The following SBNO1 variants were observed in gnomAD, a reference collection of about 807,000 sequenced individuals.
The protein encoded by SBNO1 is protein strawberry notch homolog 1.
SBNO1 carries 23 observed loss-of-function variants against 173.6 expected under a neutral mutation model. The observed-to-expected ratio is 0.13, with a 90% confidence interval of 0.10 to 0.19. The LOEUF is 0.19. Ranked by LOEUF, SBNO1 falls within the 10% of genes least tolerant of loss-of-function variation. SBNO1 has a pLI of 1.00. For synonymous variants in SBNO1, 632 were observed against 571.5 expected (o/e 1.11, Z -1.51); for missense variants, 1,238 against 1,671.2 (o/e 0.74, Z 4.52).
intron 13 of SBNO1, 96 bp downstream of exon 13, chr12:123,327,330 C>A: frequency 1.0e-6 from 1 of 1,001,996 alleles, no homozygotes; most frequent in Non-Finnish European, 1.5e-6. Flanking sequence ...AGTAGAAATA[C>A]ATTCCCATGG....
chr12:123,327,635 G>A (rs1870752677), intron 12 of SBNO1, 56 bp from the exon 13 acceptor site: 1 of 1,593,232 alleles, frequency 6.3e-7, no homozygotes. Context: ...TTAACATACA[G>A]AGAATGGGCT....
chr12:123,327,692 C>A lies in SBNO1; in HGVS notation c.1538+15G>T. On this transcript the variant is annotated intron_variant, in intron 12 of 31. Transcript: ENST00000602398. ...GATTGCTACTGAGAAGAGTATATACCGTAAACTGCATTACCTCCGTTCTAC... is the reference window on the plus strand; with the variant it reads ...GATTGCTACTGAGAAGAGTATATACAGTAAACTGCATTACCTCCGTTCTAC... 6.2e-7 allele frequency: 1 copy of A among 1,600,744 alleles called. No individual in the cohort carries two copies. The highest frequency in any genetic ancestry group is 8.6e-7 in the Non-Finnish European group (1 of 1,168,198).
chr12:123,315,702 C>A (rs1375209522), intron 21 of SBNO1, 42 bp from the exon 22 acceptor site: 2 of 1,086,020 alleles, frequency 1.8e-6, no homozygotes, highest in Admixed American at 3.4e-5. Context: ...ATTGTGTTCG[C>A]TGGACAGAGA....
At chr12:123,343,427 A>AAC (rs1290284554) in intron 4 of SBNO1, among the ~76,000 whole-genome samples, 2 of 152,080 alleles carry the variant, frequency 1.3e-5, no homozygotes, top group African/African-American at 4.8e-5. Flanking sequence ...TAGAACATGC[A>AAC]ACACCTTGCT....
intron 6 of SBNO1, among the ~76,000 whole-genome samples, chr12:123,334,433 G>T (rs1174726546): frequency 6.6e-6 from 1 of 152,174 alleles, no homozygotes; most frequent in African/African-American, 2.4e-5. Context: ...TTTGGGCCAG[G>T]TGGGTGGCTC....
chr12:123,299,417 C>T (rs2048708680), intron 30 of SBNO1, among the ~76,000 whole-genome samples: 1 of 151,940 alleles, frequency 6.6e-6, no homozygotes. Context: ...CACGATGGCT[C>T]ACGCCTGTAA....
intron 25 of SBNO1, among the ~76,000 whole-genome samples, chr12:123,310,145 T>C (rs1566026256): frequency 6.6e-6 from 1 of 152,224 alleles, no homozygotes; most frequent in Non-Finnish European, 1.5e-5. Context: ...CAACACTGAA[T>C]TCTCAACTGT....
At chr12:123,330,806 T>C (rs949663171) in intron 8 of SBNO1, among the ~76,000 whole-genome samples, 6 of 151,966 alleles carry the variant, frequency 3.9e-5, no homozygotes, top group Non-Finnish European at 8.8e-5. Context: ...TGCATGCCTG[T>C]AGTCCCAGCT....
chr12:123,351,696 G>A (rs1873903841), intron 1 of SBNO1, among the ~76,000 whole-genome samples: 1 of 152,176 alleles, frequency 6.6e-6, no homozygotes, highest in Non-Finnish European at 1.5e-5. Context: ...AAGACCAGGA[G>A]CAGAATGACA....
chr12:123,350,117 G>A (rs1417763829), intron 2 of SBNO1, among the ~76,000 whole-genome samples, 193 bp downstream of exon 2: 2 of 152,030 alleles, frequency 1.3e-5, no homozygotes, highest in African/African-American at 2.4e-5. Context: ...AGCGGGATGT[G>A]GTGGCACGTG....
intron 1 of SBNO1, among the ~76,000 whole-genome samples, chr12:123,350,891 C>A (rs1452292157): frequency 6.6e-6 from 1 of 152,142 alleles, no homozygotes; most frequent in Admixed American, 6.5e-5. Context: ...GGAAGCAAAG[C>A]CAGGTGGATC....
At chr12:123,320,644 T>C (rs1385167507) in intron 18 of SBNO1, 37 bp from the exon 19 acceptor site, 2 of 1,599,588 alleles carry the variant, frequency 1.3e-6, no homozygotes, top group East Asian at 2.2e-5. Flanking sequence ...TAGTACAAAG[T>C]TTAAATATTT....
chr12:123,344,258 G>A (rs1293975970), intron 4 of SBNO1, among the ~76,000 whole-genome samples: 6 of 152,178 alleles, frequency 3.9e-5, no homozygotes, highest in Admixed American at 3.9e-4. Context: ...TCACAGTGCT[G>A]CACTCCACGG....
chr12:123,331,429 A>C, intron 7 of SBNO1, 54 bp from the exon 8 acceptor site: 5 of 1,552,054 alleles, frequency 3.2e-6, no homozygotes, highest in Non-Finnish European at 4.4e-6. Context: ...TTTGGTGATC[A>C]ATCTTTCATA....
At chr12:123,355,421 C>T (rs1334668497) in intron 1 of SBNO1, among the ~76,000 whole-genome samples, 2 of 152,032 alleles carry the variant, frequency 1.3e-5, no homozygotes, top group African/African-American at 4.8e-5. Flanking sequence ...TCCTGGCCAA[C>T]GTGGTGAAAC....
rs1368739618 is a variant in SBNO1 at position 123,324,458 on chromosome 12, A to AT, written c.1974-628dup. Among the ~76,000 whole-genome samples the AT allele has an allele frequency of 2.6e-5, 4 of 151,498 alleles. No homozygotes were observed. In the East Asian group the frequency reaches 5.8e-4, roughly 22 times the overall value. On this transcript the variant is annotated intron_variant, in intron 15 of 31. Coordinates refer to ENST00000602398, the MANE Select transcript of SBNO1 (RefSeq NM_001167856.3). ...TGCCTCAGCCTCTCCAGTAGCTGGG[A>AT]TTACAGGTGCCCGCCACCACGCCTG...
intron 9 of SBNO1, among the ~76,000 whole-genome samples, chr12:123,329,582 C>T (rs1286319637): frequency 4.0e-5 from 6 of 151,544 alleles, no homozygotes; most frequent in Middle Eastern, 6.3e-3. Flanking sequence ...CTTTCTAATA[C>T]TACTCTGAAA....
At chr12:123,322,684 T>C (rs1016947096) in intron 16 of SBNO1, among the ~76,000 whole-genome samples, 10 of 151,100 alleles carry the variant, frequency 6.6e-5, no homozygotes, top group East Asian at 2.0e-4. Flanking sequence ...GGTGGGTGCA[T>C]TGCTTAAGCT....
chr12:123,324,802 ATTTTAT>A (rs1870421123), intron 15 of SBNO1, among the ~76,000 whole-genome samples: 3 of 151,522 alleles, frequency 2.0e-5, no homozygotes, highest in Non-Finnish European at 4.4e-5. Context: ...AGTAGACTTT[ATTTTAT>A]TTTATTTTTT....
Sources: allele counts gnomAD v4.1 joint callset (sites outside exome capture counted in the v4.1 genomes callset), GRCh38; gene constraint gnomAD v4.1.1; transcripts MANE v1.5; gene names NCBI Gene and HGNC (gene_info 2026-07-23, HGNC 2026-07-21).